The following APPL1 variants were observed in gnomAD, a reference collection of about 807,000 sequenced individuals.
The protein encoded by APPL1 is adaptor protein, phosphotyrosine interacting with PH domain and leucine zipper 1, also known as DCC-interacting protein 13-alpha.
In APPL1, 42 loss-of-function variants were observed where a neutral mutation model predicts 106.8. The observed-to-expected ratio is 0.39, with a 90% CI of 0.31 to 0.51. The LOEUF is 0.51. Among genes scored for constraint, APPL1 ranks in the 20% least tolerant of loss-of-function variants. The pLI, the probability that APPL1 is intolerant of heterozygous loss-of-function variation, is 0.75. For missense variants in APPL1, 769 were observed against 858.2 expected (o/e 0.90, Z 1.30); for synonymous variants, 263 against 281.8 (o/e 0.93, Z 0.67).
chr3:57,259,854 T>C lies in APPL1; in HGVS notation c.1493T>C (p.Leu498Pro). ...CCTTGTTCTATTATAGATTCTATTC[T>C]TCATCAGTTATTTATTGTCCGATTC... is the stretch of plus-strand genomic sequence containing the variant. ...STKSETEDSILHQLFIVRFLG... is the reference protein window; with the variant it reads ...STKSETEDSIPHQLFIVRFLG... Residue 498 changes from leucine to proline, a missense_variant, in exon 17 of 22, where the codon CTT becomes CCT. By Grantham distance (98) the Leu-to-Pro change is moderately conservative. Coordinates refer to ENST00000288266, the MANE Select transcript of APPL1 (RefSeq NM_012096.3). The C allele has an allele frequency of 6.3e-7, 1 of 1,593,814 alleles. No homozygotes were observed. The highest frequency in any genetic ancestry group is 1.2e-5 in the South Asian group (1 of 86,916).
In APPL1 at chr3:57,257,397, G is replaced by C; in HGVS notation, c.1399G>C (p.Gly467Arg). ...TTCTCCTGTGTGTGAAGATCAGCCTGGCCAGGCAAAAGCCTTTGGCCAGGG... is the reference window on the plus strand; with the variant it reads ...TTCTCCTGTGTGTGAAGATCAGCCTCGCCAGGCAAAAGCCTTTGGCCAGGG... ...IISPVCEDQP[G>R]QAKAFGQGGR... The change falls in exon 15 of 22, where the codon GGC (glycine) becomes CGC (arginine). Residue 467 changes from glycine to arginine, a missense_variant. Transcript: ENST00000288266. 6.2e-7 allele frequency: 1 copy of C among 1,613,662 alleles called. No individual in the cohort carries two copies.
In APPL1 at chr3:57,268,410, T is replaced by G. The variant is rs762326240; in HGVS notation, c.1906T>G (p.Ser636Ala). 6.3e-7 allele frequency: 1 copy of G among 1,584,116 alleles called. No individual in the cohort carries two copies. The highest frequency in any genetic ancestry group is 1.1e-5 in the South Asian group (1 of 89,312). Residue 636 changes from serine to alanine, a missense_variant, in exon 21 of 22, where the codon TCA (serine) becomes GCA (alanine). Coordinates refer to ENST00000288266, the MANE Select transcript of APPL1 (RefSeq NM_012096.3). Reference protein sequence around the residue: ...ALHAELDRRASEKQKEIERVK... With the variant: ...ALHAELDRRAAEKQKEIERVK... The stretch of plus-strand genomic sequence containing the variant: ...ATCTGTTCTTTAGGATCGTAGGGCA[T>G]CAGAAAAACAAAAAGAAATAGAGAG...
chr3:57,251,569 CA>C (rs2060805037), intron 11 of APPL1, among the ~76,000 whole-genome samples: 1 of 149,348 alleles, frequency 6.7e-6, no homozygotes, highest in East Asian at 2.0e-4. Context: ...TATCCTTTAT[CA>C]AAATGGTTGT....
At chr3:57,256,586 A>C (rs956297086) in intron 13 of APPL1, among the ~76,000 whole-genome samples, 1 of 152,224 alleles carries the variant, frequency 6.6e-6, no homozygotes, top group Non-Finnish European at 1.5e-5. Context: ...CCATTGTGCC[A>C]GGCACTGGGC....
At chr3:57,257,141 C>T in intron 14 of APPL1, 90 bp downstream of exon 14, 1 of 1,552,998 alleles carries the variant, frequency 6.4e-7, no homozygotes, top group Non-Finnish European at 8.8e-7. Context: ...AAACTTAAGA[C>T]TTCTCATTGA....
At chr3:57,248,839 C>T (rs2060788433) in intron 10 of APPL1, among the ~76,000 whole-genome samples, 1 of 151,710 alleles carries the variant, frequency 6.6e-6, no homozygotes, top group Non-Finnish European at 1.5e-5. Context: ...CACTGCACTC[C>T]AGCCTGAGGG....
At chr3:57,234,203 C>A (rs1459460513) in intron 1 of APPL1, among the ~76,000 whole-genome samples, 1 of 151,940 alleles carries the variant, frequency 6.6e-6, no homozygotes, top group East Asian at 1.9e-4. Context: ...TATTTTCATT[C>A]TTCCCCTGGG....
intron 11 of APPL1, 112 bp downstream of exon 11, chr3:57,249,660 T>A: frequency 1.1e-6 from 1 of 924,910 alleles, no homozygotes; most frequent in Non-Finnish European, 1.5e-6. Flanking sequence ...CATTATGTAT[T>A]AAGATAAATT....
At position 57,228,499 on chromosome 3, in the gene APPL1, C is replaced by G. The variant is rs1579374878; in HGVS notation, c.54+562C>G. On this transcript the variant is annotated intron_variant, in intron 1 of 21. Coordinates refer to ENST00000288266, the MANE Select transcript of APPL1 (RefSeq NM_012096.3). This position sits in a 1 kb window ranked among gnomAD's most constrained non-coding sequence, Gnocchi z 4.6. Reference sequence around the variant, plus strand: ...GAATGTGCCCGTGTCGCGGCCGTGACTGTGGTCGCTGTCACTCGAGCTGTG... The same window carrying G: ...GAATGTGCCCGTGTCGCGGCCGTGAGTGTGGTCGCTGTCACTCGAGCTGTG... Among the ~76,000 whole-genome samples the G allele has an allele frequency of 4.6e-5, 7 of 152,226 alleles. No homozygotes were observed. In the South Asian group the frequency reaches 1.4e-3, roughly 32 times the overall value.
intron 21 of APPL1, 76 bp downstream of exon 21, chr3:57,268,563 A>G (rs1013533936): frequency 6.9e-7 from 1 of 1,456,198 alleles, no homozygotes; most frequent in Non-Finnish European, 9.1e-7. Flanking sequence ...TTCAGATTTG[A>G]ATTTCCAAAT....
intron 4 of APPL1, among the ~76,000 whole-genome samples, chr3:57,238,407 G>C (rs1478602562): frequency 1.3e-5 from 2 of 152,218 alleles, no homozygotes; most frequent in African/African-American, 4.8e-5. Context: ...GTAGTGAACT[G>C]CATCTGGGTT....
In APPL1 at chr3:57,271,866, A is replaced by C. The variant is rs1421491829; in HGVS notation, c.*2179A>C. On this transcript the variant is annotated 3_prime_UTR_variant, in exon 22 of 22. Coordinates refer to ENST00000288266, the MANE Select transcript of APPL1 (RefSeq NM_012096.3). ...AATAGAAGTTATGAGTGGGTTTAAC[A>C]ATTTTAGATGATTCAGCTTTTGTTC... is the stretch of plus-strand genomic sequence containing the variant. 1 of 152,226 alleles carries C rather than the reference A, an allele frequency of 6.6e-6. No individual in the cohort carries two copies. The highest frequency in any genetic ancestry group is 1.5e-5 in the Non-Finnish European group (1 of 68,038). The allele number at this position is 152,226 out of a possible 1,614,324, so 9.4% of individuals were successfully genotyped here. A position where few individuals can be genotyped will look rare whatever the true frequency, so the allele number is the denominator to read the frequency against.
rs2060930396 is a variant in APPL1 at position 57,270,592 on chromosome 3, A to T, written c.*905A>T. On this transcript the variant is annotated 3_prime_UTR_variant, in exon 22 of 22. Coordinates refer to ENST00000288266, the MANE Select transcript of APPL1 (RefSeq NM_012096.3). ...GTGACATTTCAAAAGAAGTTCTATA[A>T]CAATTATGTTTCATGCTTAAAGTAA... 6.5e-6 allele frequency: 1 copy of T among 152,678 alleles called. No homozygotes were observed. The highest frequency in any genetic ancestry group is 1.5e-5 in the Non-Finnish European group (1 of 68,038). The allele number at this position is 152,678 out of a possible 1,614,324, so 9.5% of individuals were successfully genotyped here. A position where few individuals can be genotyped will look rare whatever the true frequency, so the allele number is the denominator to read the frequency against.
At chr3:57,267,144 G>T (rs1264211121) in intron 19 of APPL1, among the ~76,000 whole-genome samples, 1 of 152,132 alleles carries the variant, frequency 6.6e-6, no homozygotes, top group Non-Finnish European at 1.5e-5. Context: ...ATGAGCATGG[G>T]ATGTTCTTTT....
At chr3:57,266,575 C>T (rs959913638) in intron 19 of APPL1, among the ~76,000 whole-genome samples, 1 of 152,086 alleles carries the variant, frequency 6.6e-6, no homozygotes, top group Non-Finnish European at 1.5e-5. Flanking sequence ...TTTGAGTCTT[C>T]TTTTTCTTAG....
intron 3 of APPL1, 48 bp downstream of exon 3, chr3:57,237,599 C>G: frequency 7.6e-7 from 1 of 1,321,786 alleles, no homozygotes; most frequent in South Asian, 1.4e-5. Context: ...AGTATAGTAT[C>G]TGTATAGATA....
intron 2 of APPL1, 140 bp from the exon 3 acceptor site, chr3:57,237,352 C>A: frequency 1.6e-6 from 1 of 608,612 alleles, no homozygotes; most frequent in Non-Finnish European, 2.9e-6. Flanking sequence ...TGGTAGTACC[C>A]CTTTCCAGTG....
At chr3:57,247,127 C>T (rs1175560397) in intron 8 of APPL1, among the ~76,000 whole-genome samples, 1 of 151,748 alleles carries the variant, frequency 6.6e-6, no homozygotes, top group South Asian at 2.1e-4. Flanking sequence ...ATTTATTTTC[C>T]AATTTTAAAA....
rs1248034806 is a variant in APPL1 at position 57,269,616 on chromosome 3, G to T, written c.2059G>T (p.Val687Phe). 6.2e-7 allele frequency: 1 copy of T among 1,614,116 alleles called. No individual in the cohort carries two copies. The highest frequency in any genetic ancestry group is 1.1e-5 in the South Asian group (1 of 91,072). ...AGCCAGTAGTGAGGGGCAGTTTGTT[G>T]TCCTTAGCAGTAGCCAGTCAGAAGA... Reference protein sequence around the residue: ...NQASSEGQFVVLSSSQSEESD... With the variant: ...NQASSEGQFVFLSSSQSEESD... Residue 687 changes from valine to phenylalanine, a missense_variant, in exon 22 of 22, where the codon GTC becomes TTC. By Grantham distance (50) the Val-to-Phe change is conservative (BLOSUM62 -1). Coordinates refer to ENST00000288266, the MANE Select transcript of APPL1 (RefSeq NM_012096.3).
Sources: allele counts gnomAD v4.1 joint callset (sites outside exome capture counted in the v4.1 genomes callset), GRCh38; gene constraint gnomAD v4.1.1; non-coding constraint Gnocchi (gnomAD v3.1); transcripts MANE v1.5; gene names NCBI Gene and HGNC (gene_info 2026-07-23, HGNC 2026-07-21).